The following OSBPL10 variants were observed in gnomAD, a reference collection of about 807,000 sequenced individuals.
OSBPL10 encodes oxysterol binding protein like 10.
Under a neutral mutation model 81.7 loss-of-function variants are expected in OSBPL10, and 49 were observed. The observed-to-expected ratio is 0.60, with a 90% CI of 0.48 to 0.76. The LOEUF is 0.76. OSBPL10 is among the 30% of genes least tolerant of loss of function. The probability of loss-of-function intolerance (pLI) is 0.00; values close to 1 mark genes in which losing one functional copy is unlikely to be tolerated. For missense variants in OSBPL10, 923 were observed against 987.8 expected (o/e 0.93, Z 0.88); for synonymous variants, 419 against 383.6 (o/e 1.09, Z -1.08).
intron 2 of OSBPL10, among the ~76,000 whole-genome samples, chr3:31,996,113 G>A (rs62244405): frequency 0.069 from 10,533 of 152,206 alleles, 646 homozygotes; most frequent in East Asian, 0.32. Flanking sequence ...CCATTTAAAC[G>A]GCAGTTTTAA....
At chr3:32,013,789 A>G (rs1233756892) in intron 2 of OSBPL10, among the ~76,000 whole-genome samples, 1 of 152,190 alleles carries the variant, frequency 6.6e-6, no homozygotes, top group African/African-American at 2.4e-5. Flanking sequence ...CAGAAATACA[A>G]ACTACCATCA....
At chr3:31,729,638 C>T (rs1696906626) in intron 6 of OSBPL10, among the ~76,000 whole-genome samples, 1 of 152,118 alleles carries the variant, frequency 6.6e-6, no homozygotes, top group Non-Finnish European at 1.5e-5. Context: ...TCAGGCTGGT[C>T]TCAAACTCCT....
chr3:31,743,230 G>C (rs544146798), intron 5 of OSBPL10, among the ~76,000 whole-genome samples: 1 of 151,800 alleles, frequency 6.6e-6, no homozygotes, highest in African/African-American at 2.4e-5. Flanking sequence ...TAGTAGAGAT[G>C]TGATTTCATC....
intron 1 of OSBPL10, among the ~76,000 whole-genome samples, chr3:31,958,333 A>G (rs1420374650): frequency 1.3e-5 from 2 of 152,228 alleles, no homozygotes; most frequent in Non-Finnish European, 2.9e-5. Context: ...TACACCTCAC[A>G]AATTAGTCCT....
intron 4 of OSBPL10, chr3:31,797,690 G>GT (rs1199794676): frequency 2.0e-5 from 8 of 405,734 alleles, no homozygotes; most frequent in Non-Finnish European, 4.1e-5. Flanking sequence ...TACACACACA[G>GT]TTTTTTTATA....
chr3:31,755,632 T>G (rs755641502), intron 4 of OSBPL10, among the ~76,000 whole-genome samples: 2 of 152,164 alleles, frequency 1.3e-5, no homozygotes, highest in Non-Finnish European at 2.9e-5. Flanking sequence ...CATTTTGAAG[T>G]TCAACAATTT....
intron 1 of OSBPL10, among the ~76,000 whole-genome samples, chr3:32,074,769 G>T (rs142296354): frequency 6.2e-4 from 94 of 152,276 alleles, no homozygotes; most frequent in African/African-American, 2.2e-3. Flanking sequence ...AACAGCTGCT[G>T]CCCTTGCTGG....
intron 1 of OSBPL10, among the ~76,000 whole-genome samples, chr3:31,949,397 G>A (rs11129473): frequency 0.17 from 25,869 of 151,742 alleles, 2,668 homozygotes; most frequent in South Asian, 0.27. Flanking sequence ...GGCTGGGCAC[G>A]GTGGCTCACG....
At chr3:31,892,259 A>G (rs1009751218) in intron 1 of OSBPL10, among the ~76,000 whole-genome samples, 1 of 152,094 alleles carries the variant, frequency 6.6e-6, no homozygotes, top group African/African-American at 2.4e-5. Flanking sequence ...TTTGGAGCAA[A>G]GAGAAGGAAA....
intron 4 of OSBPL10, among the ~76,000 whole-genome samples, chr3:31,823,720 T>C (rs1222094348): frequency 1.3e-5 from 2 of 152,242 alleles, no homozygotes; most frequent in Non-Finnish European, 2.9e-5. Flanking sequence ...ACATTTTACC[T>C]TGTTTTGTAC....
rs546661111 is a variant in OSBPL10, at chr3:31,935,911, CA to C, written c.281+44987del. Among the ~76,000 whole-genome samples the C allele has an allele frequency of 1.5e-3, 227 of 152,256 alleles. 2 individuals carry two copies. The highest frequency in any genetic ancestry group is 1.1e-3 in the Non-Finnish European group (72 of 68,012). On this transcript the variant is annotated intron_variant, in intron 1 of 11. Coordinates refer to ENST00000396556, the MANE Select transcript of OSBPL10 (RefSeq NM_017784.5). ...GGAAATAAAATTGCTGAAGTGATAA[CA>C]AAATTCTACAAGCAGGATCTGATAT...
chr3:31,744,372 C>T (rs1388368022), intron 5 of OSBPL10, among the ~76,000 whole-genome samples: 1 of 151,764 alleles, frequency 6.6e-6, no homozygotes, highest in Non-Finnish European at 1.5e-5. Context: ...GAAATCCGGT[C>T]CTTACTAAAA....
chr3:31,851,329 G>C (rs895389953), intron 3 of OSBPL10, among the ~76,000 whole-genome samples: 1 of 152,178 alleles, frequency 6.6e-6, no homozygotes, highest in African/African-American at 2.4e-5. Flanking sequence ...GTGAAGGAGA[G>C]CTGAAGAGTA....
intron 10 of OSBPL10, among the ~76,000 whole-genome samples, chr3:31,665,189 G>A (rs1700160185): frequency 6.6e-6 from 1 of 152,146 alleles, no homozygotes; most frequent in Admixed American, 6.5e-5. Flanking sequence ...GGACCAGCCT[G>A]TATTCAGACA....
chr3:32,026,057 T>TGATAGATAGATA (rs11385805), intron 2 of OSBPL10, among the ~76,000 whole-genome samples: 190 of 111,336 alleles, frequency 1.7e-3, no homozygotes, highest in African/African-American at 3.7e-3. Flanking sequence ...GATAGATAGA[T>TGATAGATAGATA]GATAGATAGA....
intron 3 of OSBPL10, among the ~76,000 whole-genome samples, chr3:31,858,578 C>T (rs1266046371): frequency 3.3e-5 from 5 of 152,180 alleles, no homozygotes; most frequent in Non-Finnish European, 5.9e-5. Flanking sequence ...TCAATCCTCA[C>T]ATCAAAAATT....
At chr3:31,733,996 C>G (rs1171634176) in intron 5 of OSBPL10, among the ~76,000 whole-genome samples, 3 of 150,554 alleles carry the variant, frequency 2.0e-5, no homozygotes, top group Non-Finnish European at 4.4e-5. Flanking sequence ...GGCGACAGAG[C>G]AAGACTCTGT....
In OSBPL10 at chr3:32,075,264, G is replaced by A. The variant is rs562600251; in HGVS notation, n.185+2132C>T. ...TGATTTACTCACTGCTGAAAAAGGA[G>A]GACTCTGTATATTTTTAAATGAAGA... On this transcript the variant is annotated intron_variant and non_coding_transcript_variant, in intron 1 of 3. Transcript: ENST00000479173. 3.3e-4 allele frequency among the ~76,000 whole-genome samples: 50 copies of A among 152,232 alleles called. No homozygotes were observed. The South Asian group carries it at 1.0e-2, about 30-fold the overall frequency.
chr3:31,771,336 T>C (rs143357183), intron 4 of OSBPL10, among the ~76,000 whole-genome samples: 62 of 152,292 alleles, frequency 4.1e-4, no homozygotes, highest in African/African-American at 1.4e-3. Flanking sequence ...CCATGACAAC[T>C]GTTTCAGCAC....
Sources: allele counts gnomAD v4.1 joint callset (sites outside exome capture counted in the v4.1 genomes callset), GRCh38; gene constraint gnomAD v4.1.1; transcripts MANE v1.5; gene names NCBI Gene and HGNC (gene_info 2026-07-23, HGNC 2026-07-21).